The following CCPG1 variants were observed in gnomAD, a reference collection of about 807,000 sequenced individuals.
CCPG1 encodes the protein cell cycle progression protein 1.
Under a neutral mutation model 81.3 loss-of-function variants are expected in CCPG1, and 46 were observed. The ratio of observed to expected loss-of-function variants is 0.57; its 90% CI spans 0.45 to 0.72. The LOEUF is 0.72. CCPG1 is among the 30% of genes least tolerant of loss of function. CCPG1 has a pLI of 0.00. For missense variants in CCPG1, 902 were observed against 937.6 expected (o/e 0.96, Z 0.50); for synonymous variants, 330 against 305.2 (o/e 1.08, Z -0.85).
chr15:55,366,064 A>T (rs2056320741), intron 6 of CCPG1, among the ~76,000 whole-genome samples: 1 of 152,264 alleles, frequency 6.6e-6, no homozygotes, highest in South Asian at 2.1e-4. Flanking sequence ...ATTTATTTAC[A>T]TACACCCAGG....
At chr15:55,395,065 T>A (rs1260738621) in intron 1 of CCPG1, among the ~76,000 whole-genome samples, 4 of 152,122 alleles carry the variant, frequency 2.6e-5, no homozygotes, top group Non-Finnish European at 5.9e-5. Context: ...AATTAAAGCC[T>A]TCTTCCCTGG....
At chr15:55,396,909 T>C (rs2057027459) in intron 1 of CCPG1, among the ~76,000 whole-genome samples, 1 of 151,698 alleles carries the variant, frequency 6.6e-6, no homozygotes, top group Admixed American at 6.6e-5. Flanking sequence ...GAGGAAAAGA[T>C]TAAACACAAG....
At position 55,356,168 on chromosome 15, in the gene CCPG1, T is replaced by C; in HGVS notation, c.*52A>G. On this transcript the variant is annotated 3_prime_UTR_variant, in exon 9 of 9. Coordinates refer to ENST00000442196, the MANE Select transcript of CCPG1 (RefSeq NM_001204450.2). ...TCATTAGTTTCAATACCAAACATTA[T>C]ACAAAGCATAAATTTTTCTCTTACA... The C allele has an allele frequency of 3.0e-6, 4 of 1,351,130 alleles. No individual in the cohort carries two copies. Among genetic ancestry groups the C allele is most frequent in the South Asian group, 1.4e-5 (1 of 73,614 alleles). The allele number at this position is 1,351,130 out of a possible 1,614,324, so 83.7% of individuals were successfully genotyped here. A position where few individuals can be genotyped will look rare whatever the true frequency, so the allele number is the denominator to read the frequency against.
chr15:55,371,754 T>A, intron 6 of CCPG1, 39 bp downstream of exon 6: 2 of 1,592,324 alleles, frequency 1.3e-6, no homozygotes, highest in Non-Finnish European at 1.7e-6. Context: ...CTCTACACTA[T>A]CCCATCAGGT....
At chr15:55,405,610 T>C (rs996396997) in intron 1 of CCPG1, among the ~76,000 whole-genome samples, 2 of 151,982 alleles carry the variant, frequency 1.3e-5, no homozygotes, top group Non-Finnish European at 2.9e-5. Flanking sequence ...TGTGGGAGGC[T>C]GTGTTGGGAT....
chr15:55,376,289 T>G (rs1459707373), intron 5 of CCPG1, among the ~76,000 whole-genome samples: 1 of 152,202 alleles, frequency 6.6e-6, no homozygotes, highest in Non-Finnish European at 1.5e-5. Flanking sequence ...TACATACTGC[T>G]AAAACTGAGC....
At chr15:55,406,436 C>CTTT (rs143238270) in intron 1 of CCPG1, among the ~76,000 whole-genome samples, 122 of 126,224 alleles carry the variant, frequency 9.7e-4, no homozygotes, top group Middle Eastern at 4.7e-3. Flanking sequence ...TTCTTTTTCT[C>CTTT]TTTTTTTTTT....
rs1490657738 is a variant in CCPG1 at position 55,359,610 on chromosome 15, T to C, written c.2163A>G (p.Val721=). The change falls in exon 8 of 9, where the codon GTA becomes GTG. Residue 721 remains valine, a synonymous_variant. Transcript: ENST00000442196. ...MKEYEVDNDG[V]FEKLDEYIYR... is the part of the protein sequence containing the mutation. ...ATATATATTCATCCAACTTCTCAAA[T>C]ACTCCATCATTATCTACTTCATATT... 1.2e-6 allele frequency: 2 copies of C among 1,613,154 alleles called. No homozygotes were observed. The highest frequency in any genetic ancestry group is 1.3e-5 in the African/African-American group (1 of 74,904).
At chr15:55,386,193 CAAAA>C (rs34646724) in intron 2 of CCPG1, among the ~76,000 whole-genome samples, 4 of 103,860 alleles carry the variant, frequency 3.9e-5, no homozygotes, top group Admixed American at 9.1e-5. Flanking sequence ...AATTCCGTCT[CAAAA>C]AAAAAAAAAA....
At chr15:55,397,854 G>C (rs1248270929) in intron 1 of CCPG1, among the ~76,000 whole-genome samples, 3 of 152,126 alleles carry the variant, frequency 2.0e-5, no homozygotes, top group Admixed American at 2.0e-4. Context: ...GTGGATGCCT[G>C]TAGTCCCAGC....
chr15:55,394,208 A>C (rs1026430173), intron 1 of CCPG1, among the ~76,000 whole-genome samples: 1 of 151,986 alleles, frequency 6.6e-6, no homozygotes, highest in Non-Finnish European at 1.5e-5. Flanking sequence ...CTGGTCTCAA[A>C]CTTCTGGGCT....
At chr15:55,365,114 T>C in intron 7 of CCPG1, 74 bp downstream of exon 7, 1 of 851,122 alleles carries the variant, frequency 1.2e-6, no homozygotes, top group Non-Finnish European at 1.9e-6. Flanking sequence ...TCTGCACTAA[T>C]AAGCACAATA....
In CCPG1 at chr15:55,360,641, C is replaced by T. The variant is rs1566966001; in HGVS notation, c.1132G>A (p.Glu378Lys). The change falls in exon 8 of 9, where the codon GAA becomes AAA. Residue 378 changes from glutamate to lysine, a missense_variant. This residue lies in a region of CCPG1 where 746 missense variants were observed against 728.6 expected (regional missense o/e 1.02). Transcript: ENST00000442196. ...AGTTCTCTCTTTAGCATCTTTGCTTCTGTCAACAGAGTCTCCCTTTGACTA... is the reference window on the plus strand; with the variant it reads ...AGTTCTCTCTTTAGCATCTTTGCTTTTGTCAACAGAGTCTCCCTTTGACTA... ...FLSQRETLLT[E>K]AKMLKRELER... 6.2e-7 allele frequency: 1 copy of T among 1,614,182 alleles called. No homozygotes were observed. The highest frequency in any genetic ancestry group is 2.2e-5 in the East Asian group (1 of 44,892).
chr15:55,390,414 T>C (rs150635324), intron 1 of CCPG1, among the ~76,000 whole-genome samples: 1,680 of 150,652 alleles, frequency 0.011, 13 homozygotes, highest in South Asian at 0.015. Context: ...TCCTTTAAAC[T>C]TCAAAACCCA....
chr15:55,387,447 T>G (rs1157636663), intron 2 of CCPG1, among the ~76,000 whole-genome samples: 1 of 152,244 alleles, frequency 6.6e-6, no homozygotes, highest in Admixed American at 6.5e-5. Context: ...ATTTTGAAAT[T>G]TTAATGCAGA....
chr15:55,377,272 T>C (rs2056586326), intron 4 of CCPG1, 122 bp from the exon 5 acceptor site: 1 of 689,412 alleles, frequency 1.5e-6, no homozygotes, highest in Non-Finnish European at 2.4e-6. Context: ...ATATGATTCC[T>C]ACTATTAGTA....
intron 1 of CCPG1, among the ~76,000 whole-genome samples, chr15:55,406,435 T>C (rs2057221896): frequency 9.7e-6 from 1 of 103,256 alleles, no homozygotes; most frequent in Non-Finnish European, 2.3e-5. Flanking sequence ...TTTCTTTTTC[T>C]CTTTTTTTTT....
intron 1 of CCPG1, among the ~76,000 whole-genome samples, chr15:55,405,600 T>C (rs2057203213): frequency 6.6e-6 from 1 of 151,986 alleles, no homozygotes; most frequent in African/African-American, 2.4e-5. Context: ...GCCCCAGCTA[T>C]GTGGGAGGCT....
Position 55,360,891 on chromosome 15 carries a change from C to T in CCPG1, c.882G>A (p.Met294Ile). ...GGTTCGTTTTCTGAGTTTCAAAGGA[C>T]ATCTTCTCTGCTTCAGTAAGTGTCC... The part of the protein sequence containing the change: ...RCWTLTEAEK[M>I]SFETQKTNLA... The change falls in exon 8 of 9, where the codon ATG becomes ATA. Residue 294 changes from methionine to isoleucine, a missense_variant. By Grantham distance (10) the Met-to-Ile change is conservative. This residue lies in a region of CCPG1 where 746 missense variants were observed against 728.6 expected (regional missense o/e 1.02). Coordinates refer to ENST00000442196, the MANE Select transcript of CCPG1 (RefSeq NM_001204450.2). 1 of 1,597,430 alleles carries T rather than the reference C, an allele frequency of 6.3e-7. No individual in the cohort carries two copies. Among genetic ancestry groups the T allele is most frequent in the Non-Finnish European group, 8.5e-7 (1 of 1,174,814 alleles).
Sources: allele counts gnomAD v4.1 joint callset (sites outside exome capture counted in the v4.1 genomes callset), GRCh38; gene constraint gnomAD v4.1.1; regional missense constraint gnomAD v4.1.1; transcripts MANE v1.5; gene names NCBI Gene and HGNC (gene_info 2026-07-23, HGNC 2026-07-21).